The following PPP1R3C variants were observed in gnomAD, a reference collection of about 807,000 sequenced individuals.
PPP1R3C encodes protein phosphatase 1 regulatory subunit 3C, also known as PP1 subunit R5.
Under a neutral mutation model 29.3 loss-of-function variants are expected in PPP1R3C, and 20 were observed. The ratio of observed to expected loss-of-function variants is 0.68; its 90% CI spans 0.48 to 0.99. The LOEUF (loss-of-function observed/expected upper bound fraction) is 0.99. Ranked by LOEUF, PPP1R3C falls within the 50% of genes least tolerant of loss-of-function variation. PPP1R3C has a pLI of 0.00. For synonymous variants in PPP1R3C, 123 were observed against 143.1 expected (o/e 0.86, Z 1.00); for missense variants, 321 against 386.0 (o/e 0.83, Z 1.41).
intron 1 of PPP1R3C, among the ~76,000 whole-genome samples, chr10:91,632,390 T>C (rs1416888857): frequency 6.6e-6 from 1 of 151,636 alleles, no homozygotes. Flanking sequence ...AGGTTTTTTT[T>C]GGTTTTTTTG....
rs1037846945 is a variant in PPP1R3C at position 91,629,870 on chromosome 10, A to C, written c.*57T>G. The C allele has an allele frequency of 4.3e-5, 68 of 1,575,596 alleles. No individual in the cohort carries two copies. Among genetic ancestry groups the C allele is most frequent in the Non-Finnish European group, 5.2e-5 (60 of 1,148,358 alleles). ...GGCTTCCTAAAATTGAGCAATACAGACCTAGGATTGCATGGGGGAATATGA... is the reference window on the plus strand; with the variant it reads ...GGCTTCCTAAAATTGAGCAATACAGCCCTAGGATTGCATGGGGGAATATGA... On this transcript the variant is annotated 3_prime_UTR_variant, in exon 2 of 2. Coordinates refer to ENST00000238994, the MANE Select transcript of PPP1R3C (RefSeq NM_005398.7).
chr10:91,629,405 C>T lies in PPP1R3C; in HGVS notation c.*522G>A, dbSNP rs181941186. On this transcript the variant is annotated 3_prime_UTR_variant, in exon 2 of 2. Transcript: ENST00000238994. ...TATTTAGCTTTTCTCCACAAGGATA[C>T]GTAGAATGGATCTTTTTCCCCTCCA... is the stretch of plus-strand genomic sequence containing the variant. The T allele has an allele frequency of 5.5e-3, 904 of 163,944 alleles. 8 individuals are homozygous for T. The highest frequency in any genetic ancestry group is 0.019 in the African/African-American group (796 of 41,638). 10.2% of individuals were successfully genotyped at this position (163,944 alleles called of 1,614,324 possible).
chr10:91,629,275 A>C lies in PPP1R3C; in HGVS notation c.*652T>G, dbSNP rs1848687652. On this transcript the variant is annotated 3_prime_UTR_variant, in exon 2 of 2. Transcript: ENST00000238994. The stretch of plus-strand genomic sequence containing the variant: ...TTGCTTAAACTTTCCCCAAATTATG[A>C]TTTTTTATAGATCACATCTGAACAG... 6.6e-6 allele frequency: 1 copy of C among 152,522 alleles called. No individual in the cohort carries two copies. The highest frequency in any genetic ancestry group is 1.5e-5 in the Non-Finnish European group (1 of 68,282). 9.4% of individuals were successfully genotyped at this position (152,522 alleles called of 1,614,324 possible).
In PPP1R3C at chr10:91,629,062, C is replaced by T. The variant is rs1430600400; in HGVS notation, c.*865G>A. On this transcript the variant is annotated 3_prime_UTR_variant, in exon 2 of 2. Coordinates refer to ENST00000238994, the MANE Select transcript of PPP1R3C (RefSeq NM_005398.7). ...TGACCATTCAGATATTTGGGTTAAA[C>T]GATGACAGTTTTCTGGTTTAATCAA... is the stretch of plus-strand genomic sequence containing the variant. The T allele has an allele frequency of 1.3e-5, 2 of 152,178 alleles. No individual in the cohort carries two copies. The highest frequency in any genetic ancestry group is 4.8e-5 in the African/African-American group (2 of 41,436). The allele number at this position is 152,178 out of a possible 1,614,324, so 9.4% of individuals were successfully genotyped here. A position where few individuals can be genotyped will look rare whatever the true frequency, so the allele number is the denominator to read the frequency against.
chr10:91,632,793 C>T (rs367722834), intron 1 of PPP1R3C, among the ~76,000 whole-genome samples, 163 bp downstream of exon 1: 2 of 152,160 alleles, frequency 1.3e-5, no homozygotes, highest in East Asian at 1.9e-4. Flanking sequence ...AATTTCTACA[C>T]CTCCAAGGCC....
In PPP1R3C at chr10:91,630,702, G is replaced by T; in HGVS notation, c.179C>A (p.Ser60Ter). Residue 60 changes from serine (S) to a stop codon, truncating the protein, a stop_gained, in exon 2 of 2, where the codon TCA becomes TAA. Coordinates refer to ENST00000238994, the MANE Select transcript of PPP1R3C (RefSeq NM_005398.7). LOFTEE classifies it high-confidence loss of function. This position sits in a 1 kb window ranked among gnomAD's most constrained non-coding sequence, Gnocchi z 4.4. Reference sequence around the variant, plus strand: ...GGCTTTGTGTTTTATATTGAGACATGATTTCAGGGGCTTTAATTTATTCAC... The same window carrying T: ...GGCTTTGTGTTTTATATTGAGACATTATTTCAGGGGCTTTAATTTATTCAC... ...HFVNKLKPLK[S>*]CLNIKHKAKS... 1 of 1,614,098 alleles carries T rather than the reference G, an allele frequency of 6.2e-7. No individual in the cohort carries two copies. Among genetic ancestry groups the T allele is most frequent in the Non-Finnish European group, 8.5e-7 (1 of 1,179,960 alleles).
intron 1 of PPP1R3C, among the ~76,000 whole-genome samples, chr10:91,631,160 A>C (rs915380658): frequency 1.3e-5 from 2 of 152,240 alleles, no homozygotes; most frequent in African/African-American, 4.8e-5. Context: ...TCTCCAAGGC[A>C]GCCTTGAGAA....
rs746027662 is a variant in PPP1R3C at position 91,630,710 on chromosome 10, G to A, written c.171C>T (p.Pro57=). ...QRRHFVNKLK[P]LKSCLNIKHK... is the part of the protein sequence containing the mutation. ...GTTTTATATTGAGACATGATTTCAG[G>A]GGCTTTAATTTATTCACAAAATGTC... Residue 57 remains proline (P), a synonymous_variant, in exon 2 of 2, where the codon CCC becomes CCT. Coordinates refer to ENST00000238994, the MANE Select transcript of PPP1R3C (RefSeq NM_005398.7). The surrounding 1 kb of genome is among the most constrained non-coding windows in gnomAD (Gnocchi z 4.4). 2.5e-6 allele frequency: 4 copies of A among 1,614,122 alleles called. No individual in the cohort carries two copies. The highest frequency in any genetic ancestry group is 3.4e-6 in the Non-Finnish European group (4 of 1,180,008).
rs1231645753 is a variant in PPP1R3C, at chr10:91,629,131, C to T, written c.*796G>A. 6.6e-6 allele frequency: 1 copy of T among 152,208 alleles called. No homozygotes were observed. The highest frequency in any genetic ancestry group is 1.9e-4 in the East Asian group (1 of 5,194). 9.4% of individuals were successfully genotyped at this position (152,208 alleles called of 1,614,324 possible). A position where few individuals can be genotyped will look rare whatever the true frequency, so the allele number is the denominator to read the frequency against. On this transcript the variant is annotated 3_prime_UTR_variant, in exon 2 of 2. Transcript: ENST00000238994. ...TCTTTGACATGACATGAAGTCCCTACGTGTTGTTAGCCATTAATGATGGCA... is the reference window on the plus strand; with the variant it reads ...TCTTTGACATGACATGAAGTCCCTATGTGTTGTTAGCCATTAATGATGGCA...
chr10:91,630,319 T>C lies in PPP1R3C; in HGVS notation c.562A>G (p.Ile188Val). The C allele has an allele frequency of 1.2e-6, 2 of 1,614,218 alleles. No homozygotes were observed. The highest frequency in any genetic ancestry group is 2.2e-5 in the South Asian group (2 of 91,086). ...TAGTTTTTCCAAGAATCGAAAGTGATACGGATCTGAACTTTCTTCTCAAAA... is the reference window on the plus strand; with the variant it reads ...TAGTTTTTCCAAGAATCGAAAGTGACACGGATCTGAACTTTCTTCTCAAAA... Reference protein sequence around the residue: ...VSFEKKVQIRITFDSWKNYTD... With the variant: ...VSFEKKVQIRVTFDSWKNYTD... The change falls in exon 2 of 2, where the codon ATC becomes GTC. Residue 188 changes from isoleucine to valine, a missense_variant. Coordinates refer to ENST00000238994, the MANE Select transcript of PPP1R3C (RefSeq NM_005398.7). The surrounding 1 kb of genome is among the most constrained non-coding windows in gnomAD (Gnocchi z 4.4).
In PPP1R3C at chr10:91,630,792, A is replaced by C. The variant is rs1204768761; in HGVS notation, c.89T>G (p.Leu30Trp). The C allele has an allele frequency of 1.2e-6, 2 of 1,614,230 alleles. No individual in the cohort carries two copies. Among genetic ancestry groups the C allele is most frequent in the Admixed American group, 1.7e-5 (1 of 60,030 alleles). The change falls in exon 2 of 2, where the codon TTG (leucine) becomes TGG (tryptophan). Residue 30 changes from leucine to tryptophan, a missense_variant. Physicochemically the swap from Leu to Trp is moderately conservative, Grantham distance 61 (BLOSUM62 -2). Coordinates refer to ENST00000238994, the MANE Select transcript of PPP1R3C (RefSeq NM_005398.7). The surrounding 1 kb of genome is among the most constrained non-coding windows in gnomAD (Gnocchi z 4.4). ...ACTCTTCACAGGTGGTGAATGTGCC[A>C]AGCAAAGCCTCATGGCCACATCCAC... ...MPVDVAMRLCLAHSPPVKSFL... is the reference protein window; with the variant it reads ...MPVDVAMRLCWAHSPPVKSFL...
intron 1 of PPP1R3C, among the ~76,000 whole-genome samples, chr10:91,631,212 G>T (rs767926985): frequency 2.1e-4 from 32 of 152,110 alleles, no homozygotes; most frequent in Non-Finnish European, 4.3e-4. Context: ...AAACCTGTCT[G>T]GTCACTATGT....
Position 91,629,510 on chromosome 10 carries a change from C to T in PPP1R3C, c.*417G>A, listed in dbSNP as rs544560064. ...CTTACGTTTTTCCACCAACAATGAT[C>T]AGACCTCCCACTCCTCTGACTTGAG... On this transcript the variant is annotated 3_prime_UTR_variant, in exon 2 of 2. Coordinates refer to ENST00000238994, the MANE Select transcript of PPP1R3C (RefSeq NM_005398.7). 4 of 177,596 alleles carry T rather than the reference C, an allele frequency of 2.3e-5. No individual in the cohort carries two copies. The highest frequency in any genetic ancestry group is 4.8e-5 in the Non-Finnish European group (4 of 83,580). The allele number at this position is 177,596 out of a possible 1,614,324, so 11.0% of individuals were successfully genotyped here.
In PPP1R3C at chr10:91,629,275, A is replaced by AT. The variant is rs1047896977; in HGVS notation, c.*651dup. Reference sequence around the variant, plus strand: ...TTGCTTAAACTTTCCCCAAATTATGATTTTTTATAGATCACATCTGAACAG... The same window carrying AT: ...TTGCTTAAACTTTCCCCAAATTATGATTTTTTTATAGATCACATCTGAACAG... On this transcript the variant is annotated 3_prime_UTR_variant, in exon 2 of 2. Transcript: ENST00000238994. 1 of 152,522 alleles carries AT rather than the reference A, an allele frequency of 6.6e-6. No individual in the cohort carries two copies. The highest frequency in any genetic ancestry group is 2.4e-5 in the African/African-American group (1 of 41,464). 9.4% of individuals were successfully genotyped at this position (152,522 alleles called of 1,614,324 possible). A position where few individuals can be genotyped will look rare whatever the true frequency, so the allele number is the denominator to read the frequency against.
At chr10:91,632,206 C>A (rs113790965) in intron 1 of PPP1R3C, among the ~76,000 whole-genome samples, 22 of 152,272 alleles carry the variant, frequency 1.4e-4, no homozygotes, top group African/African-American at 5.3e-4. Flanking sequence ...TAATAACACT[C>A]GCAGAATTTA....
intron 1 of PPP1R3C, among the ~76,000 whole-genome samples, chr10:91,631,970 C>G (rs757832248): frequency 6.6e-6 from 1 of 152,106 alleles, no homozygotes; most frequent in African/African-American, 2.4e-5. Flanking sequence ...CATGACTATG[C>G]TCAGCAATAT....
chr10:91,629,643 C>A lies in PPP1R3C; in HGVS notation c.*284G>T, dbSNP rs993176920. The A allele has an allele frequency of 1.4e-4, 63 of 452,544 alleles. No homozygotes were observed. Among genetic ancestry groups the A allele is most frequent in the African/African-American group, 1.1e-3 (57 of 50,866 alleles). 28.0% of individuals were successfully genotyped at this position (452,544 alleles called of 1,614,324 possible). ...AACTTTTCCTTGCCCAACATGAAAG[C>A]TAGTGGATTGAGAGGGAAGGAAGAA... On this transcript the variant is annotated 3_prime_UTR_variant, in exon 2 of 2. Transcript: ENST00000238994.
Position 91,630,134 on chromosome 10 carries a change from ATTG to A in PPP1R3C, c.744_746del (p.Asn249del), listed in dbSNP as rs1331752945. The A allele has an allele frequency of 6.2e-7, 1 of 1,614,046 alleles. No individual in the cohort carries two copies. Among genetic ancestry groups the A allele is most frequent in the Non-Finnish European group, 8.5e-7 (1 of 1,180,028 alleles). On this transcript the variant is annotated inframe_deletion, in exon 2 of 2. Coordinates refer to ENST00000238994, the MANE Select transcript of PPP1R3C (RefSeq NM_005398.7). This position sits in a 1 kb window ranked among gnomAD's most constrained non-coding sequence, Gnocchi z 4.4. Reference sequence around the variant, plus strand: ...GAACAATTCTATAATTCTGACCATCATTGTTGTCCCAAAAGACTTGCCCATTAG... The same window carrying A: ...GAACAATTCTATAATTCTGACCATCATTGTCCCAAAAGACTTGCCCATTAG...
rs1442665745 is a variant in PPP1R3C, at chr10:91,630,493, C to T, written c.388G>A (p.Glu130Lys). 3 of 1,614,102 alleles carry T rather than the reference C, an allele frequency of 1.9e-6. No homozygotes were observed. The highest frequency in any genetic ancestry group is 2.5e-6 in the Non-Finnish European group (3 of 1,180,038). ...NDISSALKHH[E>K]EKNLILDFPQ... ...AAATCTAAAATCAAGTTTTTCTCCT[C>T]GTGGTGTTTTAAGGCAGAGGAGATA... Residue 130 changes from glutamate to lysine, a missense_variant, in exon 2 of 2, where the codon GAG becomes AAG. Transcript: ENST00000238994. The surrounding 1 kb of genome is among the most constrained non-coding windows in gnomAD (Gnocchi z 4.4).
Sources: allele counts gnomAD v4.1 joint callset (sites outside exome capture counted in the v4.1 genomes callset), GRCh38; gene constraint gnomAD v4.1.1; non-coding constraint Gnocchi (gnomAD v3.1); transcripts MANE v1.5; gene names NCBI Gene and HGNC (gene_info 2026-07-23, HGNC 2026-07-21).